Variants in MEF2B observed in about 807,000 individuals in gnomAD.
The protein encoded by MEF2B is myocyte-specific enhancer factor 2B.
A neutral mutation model predicts 32.2 loss-of-function variants in MEF2B; 15 were observed. The observed-to-expected ratio is 0.47, with a 90% CI of 0.31 to 0.72. The LOEUF (loss-of-function observed/expected upper bound fraction) is 0.72, where lower values mean the gene tolerates loss of function less well. Among genes scored for constraint, MEF2B ranks in the 30% least tolerant of loss-of-function variants. MEF2B has a pLI of 0.05. For missense variants in MEF2B, 441 were observed against 511.5 expected, an observed-to-expected ratio of 0.86 and a Z score of 1.33; for synonymous variants, 205 against 225.6, an observed-to-expected ratio of 0.91 and a Z score of 0.82.
chr19:19,156,829 CTT>C, intron 1 of MEF2B, among the ~76,000 whole-genome samples: 1 of 152,172 alleles, frequency 6.6e-6, no homozygotes, highest in African/African-American at 2.4e-5. Flanking sequence ...TTTTTAAAAA[CTT>C]TTTATAGAGA....
At chr19:19,150,808 T>G (rs1599722872) in intron 1 of MEF2B, 44 bp from the exon 2 acceptor site, 2 of 1,606,940 alleles carry the variant, frequency 1.2e-6, no homozygotes, top group South Asian at 1.1e-5. Flanking sequence ...GGGTGGAGAG[T>G]GGGGAGGGGT....
rs1306312114 is a variant in MEF2B, at chr19:19,166,582, C to CA, written c.-30+3622_-30+3623insT. Among the ~76,000 whole-genome samples, 15 of 136,900 alleles carry CA rather than the reference C, an allele frequency of 1.1e-4. No homozygotes were observed. In the South Asian group the frequency reaches 1.2e-3, roughly 11 times the overall value. 89.8% of individuals were successfully genotyped at this position (136,900 alleles called of 152,430 possible). On this transcript the variant is annotated intron_variant, in intron 1 of 8. Coordinates refer to ENST00000424583, the MANE Select transcript of MEF2B (RefSeq NM_001145785.2). ...ACCAGCCTGAGCAACATAGGGAGACCCCCCCATCTCCAATTAAAAAAAAAA... is the reference window on the plus strand; with the variant it reads ...ACCAGCCTGAGCAACATAGGGAGACCACCCCCATCTCCAATTAAAAAAAAAA...
At chr19:19,164,781 C>T (rs537278640) in intron 1 of MEF2B, among the ~76,000 whole-genome samples, 2 of 152,186 alleles carry the variant, frequency 1.3e-5, no homozygotes, top group East Asian at 1.9e-4. Context: ...AGACAGACCC[C>T]GCAGTCTGAA....
intron 1 of MEF2B, among the ~76,000 whole-genome samples, chr19:19,152,535 C>A (rs577475577): frequency 7.1e-4 from 108 of 152,242 alleles, no homozygotes; most frequent in African/African-American, 2.6e-3. Flanking sequence ...AAAACCCTGT[C>A]TCTACTAAAA....
chr19:19,155,212 C>T (rs1248092994), intron 1 of MEF2B, among the ~76,000 whole-genome samples: 4 of 152,198 alleles, frequency 2.6e-5, no homozygotes, highest in Non-Finnish European at 5.9e-5. Flanking sequence ...TTCAAGTCTT[C>T]TTCCCAAATC....
intron 1 of MEF2B, among the ~76,000 whole-genome samples, chr19:19,151,349 G>A (rs2060078353): frequency 6.6e-6 from 1 of 152,100 alleles, no homozygotes; most frequent in African/African-American, 2.4e-5. Context: ...CTTGGGCCAG[G>A]GTGTGGGCCT....
rs1323230086 is a variant in MEF2B, at chr19:19,170,211, G to A, written c.-36C>T. On this transcript the variant is annotated 5_prime_UTR_variant, in exon 1 of 9. Coordinates refer to ENST00000424583, the MANE Select transcript of MEF2B (RefSeq NM_001145785.2). ...AACCCGATATGACACGCACCTGCTC[G>A]GCCTGGGCCCTGGGACGCTGGGCGC... 2.5e-5 allele frequency: 10 copies of A among 398,382 alleles called. No homozygotes were observed. The highest frequency in any genetic ancestry group is 2.2e-5 in the Non-Finnish European group (5 of 225,974). 24.7% of individuals were successfully genotyped at this position (398,382 alleles called of 1,614,324 possible).
At chr19:19,160,071 C>T (rs1313604240) in intron 1 of MEF2B, among the ~76,000 whole-genome samples, 2 of 150,808 alleles carry the variant, frequency 1.3e-5, no homozygotes, top group Non-Finnish European at 1.5e-5. Context: ...CAGGTTTAAG[C>T]GATTGTCCTG....
At chr19:19,161,463 C>T (rs1457687862) in intron 1 of MEF2B, among the ~76,000 whole-genome samples, 3 of 152,012 alleles carry the variant, frequency 2.0e-5, no homozygotes, top group African/African-American at 4.8e-5. Flanking sequence ...GTTCACGATA[C>T]GCCAAACCCC....
Position 19,146,357 on chromosome 19 carries a change from G to A in MEF2B, c.797C>T (p.Pro266Leu). 1 of 1,103,772 alleles carries A rather than the reference G, an allele frequency of 9.1e-7. No individual in the cohort carries two copies. 68.4% of individuals were successfully genotyped at this position (1,103,772 alleles called of 1,614,324 possible). A position where few individuals can be genotyped will look rare whatever the true frequency, so the allele number is the denominator to read the frequency against. The change falls in exon 8 of 9, where the codon CCC (proline) becomes CTC (leucine). Residue 266 changes from proline to leucine, a missense_variant. Physicochemically the swap from Pro to Leu is moderately conservative, Grantham distance 98 (BLOSUM62 -3). Transcript: ENST00000424583. The stretch of plus-strand genomic sequence containing the variant: ...GGTGGGGGGCTGCAACAAGCCAGGG[G>A]GCGGTGGAGGGTCTCCCAGGCCATA... Reference protein sequence around the residue: ...PEYGLGDPPPPPGLLQPPTLA... With the variant: ...PEYGLGDPPPLPGLLQPPTLA...
intron 2 of MEF2B, among the ~76,000 whole-genome samples, chr19:19,150,210 G>C (rs1248387486): frequency 7.2e-6 from 1 of 139,052 alleles, no homozygotes; most frequent in Non-Finnish European, 1.5e-5. Flanking sequence ...GAAGGAAGGA[G>C]GGAAGGAGGG....
At chr19:19,166,744 T>G (rs1427329378) in intron 1 of MEF2B, among the ~76,000 whole-genome samples, 1 of 151,272 alleles carries the variant, frequency 6.6e-6, no homozygotes, top group Non-Finnish European at 1.5e-5. Flanking sequence ...GAAAGACATC[T>G]GTCTCTAGAC....
At position 19,157,013 on chromosome 19, in the gene MEF2B, C is replaced by T. The variant is rs895689305; in HGVS notation, c.-29-6249G>A. On this transcript the variant is annotated intron_variant, in intron 1 of 8. Transcript: ENST00000424583. ...AAAAAAGTAAAAATTAGCTGCACGC[C>T]GTGGCACACACCTGTAGTCCTGGCT... 1.2e-4 allele frequency: 20 copies of T among 169,316 alleles called. 1 individual carries two copies. Among genetic ancestry groups the T allele is most frequent in the Admixed American group, 5.8e-4 (9 of 15,572 alleles). The allele number at this position is 169,316 out of a possible 1,614,324, so 10.5% of individuals were successfully genotyped here.
At chr19:19,150,582 C>A in intron 2 of MEF2B, 100 bp downstream of exon 2, 1 of 1,454,076 alleles carries the variant, frequency 6.9e-7, no homozygotes, top group South Asian at 1.2e-5. Flanking sequence ...CATGCCTCCT[C>A]ATTCCCCTGC....
In MEF2B at chr19:19,145,597, T is replaced by C; in HGVS notation, c.*200A>G. On this transcript the variant is annotated 3_prime_UTR_variant, in exon 9 of 9. Coordinates refer to ENST00000424583, the MANE Select transcript of MEF2B (RefSeq NM_001145785.2). This position sits in a 1 kb window ranked among gnomAD's most constrained non-coding sequence, Gnocchi z 4.6. ...TCCACGGACGCCACGCGCGTTTTAT[T>C]TGTGGATATACACACAAATAGGAAG... The C allele has an allele frequency of 7.8e-7, 1 of 1,290,112 alleles. No individual in the cohort carries two copies. Among genetic ancestry groups the C allele is most frequent in the East Asian group, 2.7e-5 (1 of 37,528 alleles). The allele number at this position is 1,290,112 out of a possible 1,614,324, so 79.9% of individuals were successfully genotyped here.
chr19:19,148,793 C>A (rs986820559), intron 3 of MEF2B, among the ~76,000 whole-genome samples: 13 of 151,852 alleles, frequency 8.6e-5, no homozygotes, highest in African/African-American at 2.7e-4. Flanking sequence ...CTCACTGCAA[C>A]CTCCGCCTCC....
chr19:19,145,682 C>T lies in MEF2B; in HGVS notation c.*115G>A. ...GCCGCCCACCTCCAAGCCCCCACCG[C>T]GGAGGGGGGCGTCACTGTTGGGTCT... On this transcript the variant is annotated 3_prime_UTR_variant, in exon 9 of 9. Coordinates refer to ENST00000424583, the MANE Select transcript of MEF2B (RefSeq NM_001145785.2). The surrounding 1 kb of genome is among the most constrained non-coding windows in gnomAD (Gnocchi z 4.6). 1 of 1,548,426 alleles carries T rather than the reference C, an allele frequency of 6.5e-7. No individual in the cohort carries two copies. Among genetic ancestry groups the T allele is most frequent in the South Asian group, 1.2e-5 (1 of 84,034 alleles).
rs374707809 is a variant in MEF2B, at chr19:19,160,928, G to A, written c.-30+9277C>T. On this transcript the variant is annotated intron_variant, in intron 1 of 8. Coordinates refer to ENST00000424583, the MANE Select transcript of MEF2B (RefSeq NM_001145785.2). ...GGGCCTAGGGAGGTGGTACCCAGGT[G>A]GGGGGGCATGTAGGTGACCTGGCGG... is the stretch of plus-strand genomic sequence containing the variant. Among the ~76,000 whole-genome samples the A allele has an allele frequency of 1.7e-4, 26 of 152,140 alleles. No homozygotes were observed. The South Asian group carries it at 4.6e-3, about 27-fold the overall frequency.
At chr19:19,146,517 C>G (rs774693538) in intron 7 of MEF2B, 38 bp downstream of exon 7, 2 of 1,494,506 alleles carry the variant, frequency 1.3e-6, no homozygotes, top group South Asian at 1.3e-5. Flanking sequence ...GGAGTGCGGA[C>G]GCTTCCCAGG....
Sources: gnomAD v4.1 joint callset for allele counts (sites outside exome capture counted in the v4.1 genomes callset) on GRCh38, gnomAD v4.1.1 for gene constraint, Gnocchi (gnomAD v3.1) non-coding constraint, MANE v1.5 for transcripts, NCBI Gene and HGNC (gene_info 2026-07-23, HGNC 2026-07-21) for gene names.